Variants in PLXDC1 observed in about 807,000 individuals in gnomAD.
The protein encoded by PLXDC1 is plexin domain-containing protein 1.
PLXDC1 carries 39 observed loss-of-function variants against 61.3 expected under a neutral mutation model. That is an observed-to-expected ratio of 0.64 (90% confidence interval 0.49 to 0.83). The LOEUF (loss-of-function observed/expected upper bound fraction) is 0.83, where lower values mean the gene tolerates loss of function less well. Among genes scored for constraint, PLXDC1 ranks in the 40% least tolerant of loss-of-function variants. The probability of loss-of-function intolerance (pLI) is 0.00; values close to 1 mark genes in which losing one functional copy is unlikely to be tolerated. For synonymous variants in PLXDC1, 212 were observed against 254.5 expected, an observed-to-expected ratio of 0.83 and a Z score of 1.59; for missense variants, 596 against 666.5, an observed-to-expected ratio of 0.89 and a Z score of 1.17.
rs772319685 is a variant in PLXDC1 at position 39,067,689 on chromosome 17, T to A, written c.*151A>T. On this transcript the variant is annotated 3_prime_UTR_variant, in exon 14 of 14. Coordinates refer to ENST00000315392, the MANE Select transcript of PLXDC1 (RefSeq NM_020405.5). ...CCCCTCTTCAATATTCGGGGTGTGC[T>A]GACGAAGCGAGCAGCAGCTCTGGAG... 4 of 721,722 alleles carry A rather than the reference T, an allele frequency of 5.5e-6. No homozygotes were observed. The highest frequency in any genetic ancestry group is 9.1e-6 in the Non-Finnish European group (4 of 438,190). 44.7% of individuals were successfully genotyped at this position (721,722 alleles called of 1,614,324 possible).
intron 7 of PLXDC1, among the ~76,000 whole-genome samples, chr17:39,089,876 C>A (rs1174053789): frequency 6.6e-6 from 1 of 152,168 alleles, no homozygotes; most frequent in Non-Finnish European, 1.5e-5. Flanking sequence ...CGGCTCACTG[C>A]AACCTCTGCC....
At chr17:39,146,025 T>G (rs2045339610) in intron 1 of PLXDC1, among the ~76,000 whole-genome samples, 1 of 151,582 alleles carries the variant, frequency 6.6e-6, no homozygotes, top group Non-Finnish European at 1.5e-5. Flanking sequence ...TGGGCAGAAG[T>G]ATAGGAGTAA....
chr17:39,100,758 C>T (rs1314089861), intron 7 of PLXDC1, among the ~76,000 whole-genome samples: 4 of 152,248 alleles, frequency 2.6e-5, no homozygotes, highest in Non-Finnish European at 4.4e-5. Context: ...TGGCTCAACA[C>T]AGGCGTTTAC....
At position 39,151,434 on chromosome 17, in the gene PLXDC1, G is replaced by C. The variant is rs1167302437; in HGVS notation, c.4C>G (p.Arg2Gly). 7.8e-7 allele frequency: 1 copy of C among 1,285,194 alleles called. No individual in the cohort carries two copies. Among genetic ancestry groups the C allele is most frequent in the Admixed American group, 4.0e-5 (1 of 25,262 alleles). 79.6% of individuals were successfully genotyped at this position (1,285,194 alleles called of 1,614,324 possible). ...AGCACCAGGAGCCAGAGCTCGCCTCGCATGGTGGGTGCCCGGACCTGCCCC... is the reference window on the plus strand; with the variant it reads ...AGCACCAGGAGCCAGAGCTCGCCTCCCATGGTGGGTGCCCGGACCTGCCCC... MRGELWLLVLVL... is the reference protein window; with the variant it reads MGGELWLLVLVL... Residue 2 changes from arginine (R) to glycine (G), a missense_variant, in exon 1 of 14, where the codon CGA becomes GGA. Physicochemically the swap from Arg to Gly is moderately radical, Grantham distance 125 (BLOSUM62 -2). Transcript: ENST00000315392. This position sits in a 1 kb window ranked among gnomAD's most constrained non-coding sequence, Gnocchi z 5.2.
Position 39,113,717 on chromosome 17 carries a change from G to A in PLXDC1, c.256-4326C>T, listed in dbSNP as rs143150351. ...AATAAAACAATTCACTGGGTATGGT[G>A]GTGCATGCCTGTAGTCCCAGCAACT... On this transcript the variant is annotated intron_variant, in intron 2 of 13. Coordinates refer to ENST00000315392, the MANE Select transcript of PLXDC1 (RefSeq NM_020405.5). Among the ~76,000 whole-genome samples, 655 of 152,154 alleles carry A rather than the reference G, an allele frequency of 4.3e-3. 6 individuals are homozygous for A. Among genetic ancestry groups the A allele is most frequent in the African/African-American group, 0.015 (609 of 41,518 alleles).
intron 7 of PLXDC1, among the ~76,000 whole-genome samples, chr17:39,090,465 G>C (rs938684280): frequency 5.7e-4 from 87 of 152,196 alleles, no homozygotes; most frequent in African/African-American, 2.1e-3. Flanking sequence ...GCACTGATGA[G>C]AGCATGGAGG....
chr17:39,145,709 C>T (rs543829073), intron 1 of PLXDC1, among the ~76,000 whole-genome samples: 72 of 152,238 alleles, frequency 4.7e-4, no homozygotes, highest in Admixed American at 3.5e-3. Flanking sequence ...CTGGAAACAC[C>T]CTTCCCTTGG....
At chr17:39,130,566 T>C (rs565464155) in intron 2 of PLXDC1, among the ~76,000 whole-genome samples, 32 of 152,208 alleles carry the variant, frequency 2.1e-4, no homozygotes, top group African/African-American at 7.5e-4. Flanking sequence ...TTTATTTTAT[T>C]TTACTTTATT....
Position 39,065,371 on chromosome 17 carries a change from A to G in PLXDC1, c.*2469T>C, listed in dbSNP as rs1319950723. On this transcript the variant is annotated 3_prime_UTR_variant, in exon 14 of 14. Coordinates refer to ENST00000315392, the MANE Select transcript of PLXDC1 (RefSeq NM_020405.5). ...AATGATTGTCTACAGGATCCCTGAC[A>G]ATGTAAGCATTTCTTTTTCCGTTCT... is the stretch of plus-strand genomic sequence containing the variant. 6.6e-6 allele frequency: 1 copy of G among 151,314 alleles called. No homozygotes were observed. The highest frequency in any genetic ancestry group is 1.5e-5 in the Non-Finnish European group (1 of 67,956). The allele number at this position is 151,314 out of a possible 1,614,324, so 9.4% of individuals were successfully genotyped here.
chr17:39,142,407 G>A (rs371106668), intron 1 of PLXDC1, among the ~76,000 whole-genome samples: 18 of 152,332 alleles, frequency 1.2e-4, no homozygotes, highest in African/African-American at 3.8e-4. Context: ...CATGGGCACA[G>A]GATTGGAAAG....
chr17:39,099,912 C>A (rs995730794), intron 7 of PLXDC1, among the ~76,000 whole-genome samples: 1 of 152,072 alleles, frequency 6.6e-6, no homozygotes, highest in Admixed American at 6.5e-5. Flanking sequence ...AGTCCCTGAG[C>A]GTAGACTGGA....
At chr17:39,095,374 C>CG (rs1910130915) in intron 7 of PLXDC1, among the ~76,000 whole-genome samples, 2 of 12,594 alleles carry the variant, frequency 1.6e-4, no homozygotes, top group African/African-American at 5.7e-4. Flanking sequence ...CCCGCCCCCC[C>CG]CCCCCAACCC....
intron 11 of PLXDC1, among the ~76,000 whole-genome samples, chr17:39,076,226 G>A (rs1353873159): frequency 1.3e-5 from 2 of 152,060 alleles, no homozygotes; most frequent in African/African-American, 4.8e-5. Context: ...AAAGGACTAT[G>A]GGCCAGGCAT....
chr17:39,083,245 C>T (rs1278397815), intron 9 of PLXDC1, among the ~76,000 whole-genome samples: 2 of 152,212 alleles, frequency 1.3e-5, no homozygotes, highest in African/African-American at 4.8e-5. Context: ...CCCTCTCCTC[C>T]TGGGTGTGAG....
In PLXDC1 at chr17:39,139,730, C is replaced by A. The variant is rs752584168; in HGVS notation, c.179G>T (p.Arg60Met). ...ACCCAGGTCCTGGCTCAGCTGGGTC[C>A]TGTCCGGCTCTGACACATGCCCAGG... is the stretch of plus-strand genomic sequence containing the variant. ...ESPGHVSEPD[R>M]TQLSQDLGGG... The change falls in exon 2 of 14, where the codon AGG becomes ATG. Residue 60 changes from arginine to methionine, a missense_variant. Arg to Met is a moderately conservative substitution (Grantham distance 91). Transcript: ENST00000315392. 2.2e-5 allele frequency: 35 copies of A among 1,614,080 alleles called. No individual in the cohort carries two copies. The highest frequency in any genetic ancestry group is 2.8e-5 in the Non-Finnish European group (33 of 1,180,032).
rs2045372960 is a variant in PLXDC1, at chr17:39,151,561, G to A, written c.-124C>T. ...GCGGAGGGGCGGGCGGCGAGGAGAC[G>A]GCGGAGCGCGGGGCCGGGCGAGCCG... On this transcript the variant is annotated 5_prime_UTR_variant, in exon 1 of 14. Coordinates refer to ENST00000315392, the MANE Select transcript of PLXDC1 (RefSeq NM_020405.5). This position sits in a 1 kb window ranked among gnomAD's most constrained non-coding sequence, Gnocchi z 5.2. 1 of 1,200,518 alleles carries A rather than the reference G, an allele frequency of 8.3e-7. No homozygotes were observed. Among genetic ancestry groups the A allele is most frequent in the Non-Finnish European group, 1.0e-6 (1 of 967,666 alleles). 74.4% of individuals were successfully genotyped at this position (1,200,518 alleles called of 1,614,324 possible).
chr17:39,114,190 T>C (rs1227539486), intron 2 of PLXDC1, among the ~76,000 whole-genome samples: 2 of 152,174 alleles, frequency 1.3e-5, no homozygotes, highest in East Asian at 1.9e-4. Flanking sequence ...CTTAAGTCCC[T>C]GGGTTTAGCT....
rs141764630 is a variant in PLXDC1, at chr17:39,108,071, G to A, written c.592+52C>T. 18 of 1,612,042 alleles carry A rather than the reference G, an allele frequency of 1.1e-5. 1 individual carries two copies. The Middle Eastern group carries it at 5.1e-4, about 45-fold the overall frequency. On this transcript the variant is annotated intron_variant, in intron 5 of 13. Transcript: ENST00000315392. ...AGGCCCTGTGCTCCTCTAAAGGACT[G>A]GACAAGGGATCCCTGGAGCTGGGTG...
intron 8 of PLXDC1, 63 bp downstream of exon 8, chr17:39,087,544 A>G: frequency 7.9e-7 from 1 of 1,258,024 alleles, no homozygotes; most frequent in South Asian, 1.2e-5. Flanking sequence ...TGGGCCTGGG[A>G]CATGAAGCCA....
Sources: gnomAD v4.1 joint callset for allele counts (sites outside exome capture counted in the v4.1 genomes callset) on GRCh38, gnomAD v4.1.1 for gene constraint, Gnocchi (gnomAD v3.1) non-coding constraint, MANE v1.5 for transcripts, NCBI Gene and HGNC (gene_info 2026-07-23, HGNC 2026-07-21) for gene names.